Variants in NAA25 observed in about 807,000 individuals in gnomAD.
The protein encoded by NAA25 is N-alpha-acetyltransferase 25, NatB auxiliary subunit.
NAA25 carries 30 observed loss-of-function variants against 132.5 expected under a neutral mutation model. That is an observed-to-expected ratio of 0.23 (90% CI 0.17 to 0.31). The LOEUF is 0.31. NAA25 is among the 10% of genes least tolerant of loss of function. The pLI is 1.00. For synonymous variants in NAA25, 359 were observed against 401.9 expected (o/e 0.89, Z 1.28); for missense variants, 771 against 1,150.4 (o/e 0.67, Z 4.77).
intron 10 of NAA25, among the ~76,000 whole-genome samples, chr12:112,070,752 T>C (rs2078793113): frequency 1.3e-5 from 2 of 152,032 alleles, no homozygotes; most frequent in South Asian, 2.1e-4. Context: ...ATTTTTTGTT[T>C]TTGTTTGTTT....
intron 4 of NAA25, among the ~76,000 whole-genome samples, chr12:112,081,790 T>G (rs2078976294): frequency 6.6e-6 from 1 of 152,222 alleles, no homozygotes; most frequent in Non-Finnish European, 1.5e-5. Context: ...TTTTTTAATC[T>G]TTTGCCTACT....
At chr12:112,086,065 T>C (rs1178860532) in intron 4 of NAA25, among the ~76,000 whole-genome samples, 1 of 67,150 alleles carries the variant, frequency 1.5e-5, no homozygotes, top group African/African-American at 1.1e-4. Flanking sequence ...TATATATATA[T>C]ATATATATAC....
intron 3 of NAA25, among the ~76,000 whole-genome samples, chr12:112,088,185 T>C (rs2079081277): frequency 6.6e-6 from 1 of 152,158 alleles, no homozygotes; most frequent in African/African-American, 2.4e-5. Flanking sequence ...TTAGTGAACA[T>C]CAGCCAAGAC....
intron 7 of NAA25, among the ~76,000 whole-genome samples, chr12:112,076,102 T>TAA (rs1417645497): frequency 1.3e-5 from 2 of 151,948 alleles, no homozygotes; most frequent in Non-Finnish European, 2.9e-5. Flanking sequence ...AGGCTGGTCT[T>TAA]AAACTCCTGA....
At position 112,074,542 on chromosome 12, in the gene NAA25, T is replaced by C. The variant is rs578041152; in HGVS notation, c.866+133A>G. 3 of 504,492 alleles carry C rather than the reference T, an allele frequency of 5.9e-6. No homozygotes were observed. In the East Asian group the frequency reaches 1.0e-4, roughly 17 times the overall value. 31.3% of individuals were successfully genotyped at this position (504,492 alleles called of 1,614,324 possible). On this transcript the variant is annotated intron_variant, in intron 9 of 23. Transcript: ENST00000261745. ...TGTGTATTTTATACTTTAAAAAATA[T>C]GAAAAAATGTCTTACTTTGAAAGGA... is the stretch of plus-strand genomic sequence containing the variant.
chr12:112,034,951 A>G (rs1002004127), intron 22 of NAA25: 2 of 152,170 alleles, frequency 1.3e-5, no homozygotes, highest in Admixed American at 1.3e-4. Context: ...GCATATTAAT[A>G]TAACAGTACA....
rs1425057557 is a variant in NAA25 at position 112,039,296 on chromosome 12, A to G, written c.2582T>C (p.Val861Ala). ...ILWVSSYCES[V>A]LRPYKLNLQK... ...TAAATTTAGTTTGTATGGTCGTAGG[A>G]CACTCTCACAGTAACTGGATACCCA... Residue 861 changes from valine (V) to alanine (A), a missense_variant, in exon 22 of 24, where the codon GTC (valine) becomes GCC (alanine). By Grantham distance (64) the Val-to-Ala change is moderately conservative. Around this residue, in one of 3 missense-constraint regions of NAA25, gnomAD observed 324 missense variants for 400.0 expected, o/e 0.81. Coordinates refer to ENST00000261745, the MANE Select transcript of NAA25 (RefSeq NM_024953.4). The G allele has an allele frequency of 6.2e-7, 1 of 1,611,264 alleles. No homozygotes were observed. Among genetic ancestry groups the G allele is most frequent in the Non-Finnish European group, 8.5e-7 (1 of 1,178,856 alleles).
chr12:112,042,915 C>T (rs2078322231), intron 19 of NAA25, among the ~76,000 whole-genome samples, 173 bp downstream of exon 19: 1 of 152,232 alleles, frequency 6.6e-6, no homozygotes, highest in Admixed American at 6.5e-5. Context: ...GCTTCTAAAA[C>T]ATTACTTTGT....
intron 3 of NAA25, 94 bp downstream of exon 3, chr12:112,090,632 A>C: frequency 1.5e-6 from 2 of 1,328,248 alleles, no homozygotes; most frequent in Non-Finnish European, 2.1e-6. Flanking sequence ...GTATCCATTC[A>C]AATCATGAGT....
At chr12:112,096,545 C>G (rs2079215323) in intron 1 of NAA25, among the ~76,000 whole-genome samples, 1 of 152,114 alleles carries the variant, frequency 6.6e-6, no homozygotes, top group East Asian at 1.9e-4. Flanking sequence ...AGATAAGAAG[C>G]CTTACTCTGT....
intron 13 of NAA25, among the ~76,000 whole-genome samples, chr12:112,056,224 C>T (rs2078543690): frequency 6.6e-6 from 1 of 152,098 alleles, no homozygotes; most frequent in Admixed American, 6.5e-5. Context: ...ATTCCAGCTA[C>T]TCAGGAGGCT....
intron 4 of NAA25, among the ~76,000 whole-genome samples, chr12:112,083,524 T>A (rs532274547): frequency 6.0e-4 from 89 of 148,844 alleles, no homozygotes; most frequent in African/African-American, 2.0e-3. Flanking sequence ...TGAAACCCCA[T>A]CTCAAAGAAA....
At chr12:112,046,337 G>A (rs2078381206) in intron 17 of NAA25, among the ~76,000 whole-genome samples, 1 of 152,200 alleles carries the variant, frequency 6.6e-6, no homozygotes, top group African/African-American at 2.4e-5. Flanking sequence ...GAAAGCACTG[G>A]AAGTCTGAGT....
chr12:112,058,694 C>T (rs1213099046), intron 13 of NAA25, among the ~76,000 whole-genome samples: 2 of 152,046 alleles, frequency 1.3e-5, no homozygotes, highest in Admixed American at 6.5e-5. Context: ...GAGGCCGCGG[C>T]GGGTGGATCA....
intron 4 of NAA25, among the ~76,000 whole-genome samples, chr12:112,087,009 C>T (rs960322576): frequency 7.1e-5 from 5 of 70,552 alleles, no homozygotes; most frequent in Non-Finnish European, 1.6e-4. Flanking sequence ...ACTCCATCTC[C>T]AAAAAAAAAA....
chr12:112,107,640 G>GC (rs1041583304), intron 1 of NAA25, among the ~76,000 whole-genome samples: 13 of 151,678 alleles, frequency 8.6e-5, no homozygotes, highest in African/African-American at 1.2e-4. Flanking sequence ...GTTAACCACC[G>GC]CCCCCCGCTC....
chr12:112,085,965 C>T (rs1361444949), intron 4 of NAA25, among the ~76,000 whole-genome samples: 3 of 120,484 alleles, frequency 2.5e-5, no homozygotes, highest in East Asian at 2.8e-4. Context: ...TGCAGTGAGA[C>T]GAGATCATAC....
chr12:112,090,812 G>A lies in NAA25; in HGVS notation c.197C>T (p.Thr66Ile), dbSNP rs2136927601. 1.2e-6 allele frequency: 2 copies of A among 1,613,976 alleles called. No individual in the cohort carries two copies. Among genetic ancestry groups the A allele is most frequent in the South Asian group, 1.1e-5 (1 of 91,062 alleles). ...AAGGGCTGCCACCTCCTGTGCAAGAGTAAAGGCTTCCTCTTGCTTTCCAGT... is the reference window on the plus strand; with the variant it reads ...AAGGGCTGCCACCTCCTGTGCAAGAATAAAGGCTTCCTCTTGCTTTCCAGT... ...QRTGKQEEAF[T>I]LAQEVAALEP... is the part of the protein sequence containing the mutation. Residue 66 changes from threonine to isoleucine, a missense_variant, in exon 3 of 24, where the codon ACT (threonine) becomes ATT (isoleucine). By Grantham distance (89) the Thr-to-Ile change is moderately conservative (BLOSUM62 -1). This residue lies in a region of NAA25 where 417 missense variants were observed against 733.8 expected (regional missense o/e 0.57). Coordinates refer to ENST00000261745, the MANE Select transcript of NAA25 (RefSeq NM_024953.4).
rs201551947 is a variant in NAA25, at chr12:112,092,246, AG to A, written c.144+804del. On this transcript the variant is annotated intron_variant, in intron 2 of 23. Transcript: ENST00000261745. ...ACACAGCAAGACTCCATCTCAAAAA[AG>A]AAAAAAAAAACGAAAAAAGAAATAC... Among the ~76,000 whole-genome samples, 10 of 151,666 alleles carry A rather than the reference AG, an allele frequency of 6.6e-5. 1 individual carries two copies. The highest frequency in any genetic ancestry group is 5.8e-4 in the East Asian group (3 of 5,132).
Sources: allele counts gnomAD v4.1 joint callset (sites outside exome capture counted in the v4.1 genomes callset), GRCh38; gene constraint gnomAD v4.1.1; regional missense constraint gnomAD v4.1.1; transcripts MANE v1.5; gene names NCBI Gene and HGNC (gene_info 2026-07-23, HGNC 2026-07-21).